The following TANC1 variants were observed in gnomAD, a reference collection of about 807,000 sequenced individuals.
The protein encoded by TANC1 is tetratricopeptide repeat, ankyrin repeat and coiled-coil containing 1.
TANC1 carries 77 observed loss-of-function variants against 149.7 expected under a neutral mutation model. The ratio of observed to expected loss-of-function variants is 0.51; its 90% CI spans 0.43 to 0.62. The LOEUF (loss-of-function observed/expected upper bound fraction) is 0.62, where lower values mean the gene tolerates loss of function less well. TANC1 is among the 20% of genes least tolerant of loss of function. The pLI is 0.00. For missense variants in TANC1, 1,985 were observed against 2,321.8 expected, an observed-to-expected ratio of 0.85 and a Z score of 2.98; for synonymous variants, 854 against 925.0, an observed-to-expected ratio of 0.92 and a Z score of 1.39.
chr2:159,162,960 T>C (rs928923309), intron 7 of TANC1, among the ~76,000 whole-genome samples: 23 of 152,214 alleles, frequency 1.5e-4, no homozygotes, highest in Admixed American at 1.4e-3. Context: ...TGAGTAATCT[T>C]TGTTAAAAAG....
At chr2:159,019,476 C>A (rs1010641241) in intron 2 of TANC1, among the ~76,000 whole-genome samples, 1 of 152,036 alleles carries the variant, frequency 6.6e-6, no homozygotes, top group Non-Finnish European at 1.5e-5. Context: ...AGCATATGGG[C>A]CACACAATAT....
In TANC1 at chr2:159,185,916, C is replaced by T. The variant is rs751186722; in HGVS notation, c.2619+17C>T. 4.5e-6 allele frequency: 7 copies of T among 1,557,756 alleles called. No homozygotes were observed. The highest frequency in any genetic ancestry group is 6.2e-6 in the Non-Finnish European group (7 of 1,129,024). Reference sequence around the variant, plus strand: ...ATTTTCAAGGTGAGATGCACACCAACTTGGGGAAGGGTTTCTTTGTTGTCA... The same window carrying T: ...ATTTTCAAGGTGAGATGCACACCAATTTGGGGAAGGGTTTCTTTGTTGTCA... On this transcript the variant is annotated intron_variant, in intron 15 of 26. Transcript: ENST00000263635.
chr2:159,062,756 A>G (rs191271113), intron 2 of TANC1, among the ~76,000 whole-genome samples: 7,230 of 151,268 alleles, frequency 0.048, 536 homozygotes, highest in African/African-American at 0.16. Context: ...TCATGAGGTC[A>G]GGAGATCGAG....
chr2:159,197,109 CTTTGA>C (rs1172032644), intron 18 of TANC1, among the ~76,000 whole-genome samples: 3 of 152,162 alleles, frequency 2.0e-5, no homozygotes, highest in Non-Finnish European at 4.4e-5. Context: ...ATTTTTTCCC[CTTTGA>C]TTCGTTTCTT....
At chr2:159,076,011 G>T (rs1343555700) in intron 3 of TANC1, among the ~76,000 whole-genome samples, 2 of 152,110 alleles carry the variant, frequency 1.3e-5, no homozygotes, top group Non-Finnish European at 2.9e-5. Flanking sequence ...CACTTTTATA[G>T]GTTAAAACTT....
chr2:159,197,479 T>C (rs1161551422), intron 18 of TANC1, among the ~76,000 whole-genome samples: 1 of 152,192 alleles, frequency 6.6e-6, no homozygotes, highest in African/African-American at 2.4e-5. Flanking sequence ...TAAGATTCTT[T>C]TTCTAAAATG....
chr2:159,217,849 T>C (rs1457589805), intron 20 of TANC1, among the ~76,000 whole-genome samples: 1 of 152,208 alleles, frequency 6.6e-6, no homozygotes, highest in African/African-American at 2.4e-5. Flanking sequence ...GGCTGAGCTA[T>C]CCAGGTCAGA....
At chr2:159,179,394 T>C (rs2056228436) in intron 14 of TANC1, among the ~76,000 whole-genome samples, 1 of 151,974 alleles carries the variant, frequency 6.6e-6, no homozygotes, top group African/African-American at 2.4e-5. Context: ...GGATGGTACA[T>C]GTGGATAAAA....
chr2:159,108,963 GA>G (rs1456689237), intron 4 of TANC1, among the ~76,000 whole-genome samples: 1 of 152,166 alleles, frequency 6.6e-6, no homozygotes, highest in Non-Finnish European at 1.5e-5. Context: ...CCCTTTTCTG[GA>G]CAAGGGCTCT....
intron 5 of TANC1, chr2:159,147,430 G>T (rs1420123740): frequency 1.3e-5 from 2 of 152,342 alleles, no homozygotes; most frequent in Non-Finnish European, 2.9e-5. Flanking sequence ...GAGGCGGAGG[G>T]AGGGCGGTGC....
At position 159,178,896 on chromosome 2, in the gene TANC1, A is replaced by G. The variant is rs370276640; in HGVS notation, c.2243A>G (p.Gln748Arg). 6.2e-7 allele frequency: 1 copy of G among 1,614,206 alleles called. No homozygotes were observed. The highest frequency in any genetic ancestry group is 2.2e-5 in the East Asian group (1 of 44,884). The stretch of plus-strand genomic sequence containing the variant: ...CAGTGCAACATGAAGTTCATGACCC[A>G]GTCCGCCTTTGAGAGGGCACTTCCG... ...LLQCNMKFMT[Q>R]SAFERALPIL... is the part of the protein sequence containing the mutation. The change falls in exon 14 of 27, where the codon CAG (glutamine) becomes CGG (arginine). Residue 748 changes from glutamine (Q) to arginine (R), a missense_variant. Transcript: ENST00000263635.
chr2:159,144,751 T>TTA (rs2051871443), intron 5 of TANC1, among the ~76,000 whole-genome samples: 2 of 152,108 alleles, frequency 1.3e-5, no homozygotes, highest in African/African-American at 2.4e-5. Flanking sequence ...GGAATGGTAA[T>TTA]GGCTGAGAAG....
intron 19 of TANC1, among the ~76,000 whole-genome samples, chr2:159,210,240 C>T (rs1040374434): frequency 3.9e-5 from 6 of 152,188 alleles, no homozygotes; most frequent in Admixed American, 1.3e-4. Context: ...CCGCCCTTCT[C>T]TCCAAGCCCC....
intron 13 of TANC1, among the ~76,000 whole-genome samples, chr2:159,178,276 G>A (rs1182747217): frequency 1.3e-5 from 2 of 152,236 alleles, no homozygotes; most frequent in African/African-American, 4.8e-5. Context: ...CCTCGTTGCC[G>A]CTGTCTGCAC....
chr2:159,135,886 A>G (rs937676247), intron 4 of TANC1, among the ~76,000 whole-genome samples: 3 of 152,220 alleles, frequency 2.0e-5, no homozygotes, highest in Non-Finnish European at 2.9e-5. Context: ...AGCTGTAGCG[A>G]CTTCACAGCA....
chr2:159,219,096 C>A, intron 20 of TANC1, 142 bp from the exon 21 acceptor site: 2 of 1,084,268 alleles, frequency 1.8e-6, no homozygotes, highest in Non-Finnish European at 1.4e-6. Flanking sequence ...GAAAGATTTT[C>A]CAGGCCCCAT....
intron 17 of TANC1, among the ~76,000 whole-genome samples, chr2:159,194,899 T>C (rs1007986784): frequency 7.9e-5 from 12 of 152,200 alleles, no homozygotes; most frequent in African/African-American, 2.9e-4. Flanking sequence ...CATGAACTCA[T>C]GAAGAAGCCA....
chr2:159,059,111 C>T (rs2042050339), intron 2 of TANC1, among the ~76,000 whole-genome samples: 1 of 152,028 alleles, frequency 6.6e-6, no homozygotes, highest in Non-Finnish European at 1.5e-5. Context: ...TAGAGTTCAG[C>T]TTGTAGAATG....
chr2:159,054,415 A>G (rs1486634224), intron 2 of TANC1, among the ~76,000 whole-genome samples: 4 of 152,194 alleles, frequency 2.6e-5, no homozygotes, highest in Admixed American at 6.5e-5. Context: ...GGGTGATTCT[A>G]ATCACCCTGC....
Sources: allele counts gnomAD v4.1 joint callset (sites outside exome capture counted in the v4.1 genomes callset), GRCh38; gene constraint gnomAD v4.1.1; transcripts MANE v1.5; gene names NCBI Gene and HGNC (gene_info 2026-07-23, HGNC 2026-07-21).